Variants in SLC20A2 observed in about 807,000 individuals in gnomAD.
SLC20A2 encodes solute carrier family 20 member 2.
In SLC20A2, 30 loss-of-function variants were observed where a neutral mutation model predicts 61.0. The ratio of observed to expected loss-of-function variants is 0.49; its 90% CI spans 0.37 to 0.67. The LOEUF (loss-of-function observed/expected upper bound fraction) is 0.67. SLC20A2 is among the 30% of genes least tolerant of loss of function. The pLI is 0.00. For synonymous variants in SLC20A2, 351 were observed against 353.3 expected (o/e 0.99, Z 0.07); for missense variants, 626 against 866.4 (o/e 0.72, Z 3.48).
chr8:42,539,131 GA>G (rs1812893225), intron 1 of SLC20A2, among the ~76,000 whole-genome samples: 1 of 152,090 alleles, frequency 6.6e-6, no homozygotes, highest in African/African-American at 2.4e-5. Flanking sequence ...TTTAAGTAAA[GA>G]AACCCTCTTG....
intron 3 of SLC20A2, chr8:42,463,431 T>C (rs1806866198): frequency 5.8e-6 from 1 of 171,644 alleles, no homozygotes; most frequent in Non-Finnish European, 1.2e-5. Flanking sequence ...TCAACACATA[T>C]GGAGACTCTG....
At chr8:42,452,066 G>A (rs1295577271) in intron 5 of SLC20A2, among the ~76,000 whole-genome samples, 1 of 133,240 alleles carries the variant, frequency 7.5e-6, no homozygotes, top group Non-Finnish European at 1.5e-5. Flanking sequence ...ATGAAGAGGA[G>A]GGGGAGGAAG....
intron 5 of SLC20A2, among the ~76,000 whole-genome samples, chr8:42,453,207 A>G (rs1277409487): frequency 1.3e-5 from 2 of 152,222 alleles, no homozygotes; most frequent in African/African-American, 4.8e-5. Flanking sequence ...ACTGAACAAA[A>G]ACCAGGCCCC....
intron 5 of SLC20A2, among the ~76,000 whole-genome samples, chr8:42,454,868 C>A (rs1278394463): frequency 6.6e-6 from 1 of 151,926 alleles, no homozygotes; most frequent in Non-Finnish European, 1.5e-5. Context: ...CCATGACCAG[C>A]CCAGATTTTT....
intron 1 of SLC20A2, among the ~76,000 whole-genome samples, chr8:42,517,399 A>T: frequency 6.6e-6 from 1 of 151,850 alleles, no homozygotes; most frequent in East Asian, 1.9e-4. Flanking sequence ...AAAATAAATA[A>T]ATAAGTAATA....
intron 4 of SLC20A2, among the ~76,000 whole-genome samples, chr8:42,460,645 T>C (rs1806624336): frequency 6.6e-6 from 1 of 152,254 alleles, no homozygotes; most frequent in Non-Finnish European, 1.5e-5. Flanking sequence ...ATTTATTAAC[T>C]ACTTTAGGCT....
At chr8:42,511,008 T>C (rs746278843) in intron 1 of SLC20A2, among the ~76,000 whole-genome samples, 2 of 152,152 alleles carry the variant, frequency 1.3e-5, no homozygotes, top group Non-Finnish European at 2.9e-5. Flanking sequence ...GTTCTGGGGC[T>C]CTGGGGCTTT....
At chr8:42,477,986 A>C (rs887938352) in intron 1 of SLC20A2, among the ~76,000 whole-genome samples, 14 of 151,802 alleles carry the variant, frequency 9.2e-5, no homozygotes, top group South Asian at 6.3e-4. Flanking sequence ...CCTGGGTTCA[A>C]GCCATTCTCC....
intron 5 of SLC20A2, among the ~76,000 whole-genome samples, chr8:42,451,806 A>G (rs1220486364): frequency 7.6e-6 from 1 of 131,236 alleles, no homozygotes; most frequent in East Asian, 2.7e-4. Context: ...GGAGGAAGAG[A>G]TGGAGGAGGA....
intron 1 of SLC20A2, among the ~76,000 whole-genome samples, chr8:42,486,674 TCTTA>T (rs1032422311): frequency 6.6e-6 from 1 of 152,208 alleles, no homozygotes; most frequent in African/African-American, 2.4e-5. Flanking sequence ...CAGCTGTCCA[TCTTA>T]CTTGAGTTCC....
At chr8:42,509,951 A>G (rs1033984637) in intron 1 of SLC20A2, among the ~76,000 whole-genome samples, 6 of 152,230 alleles carry the variant, frequency 3.9e-5, no homozygotes, top group Non-Finnish European at 7.3e-5. Context: ...AAGCTAATCT[A>G]AAATGAGAAA....
At chr8:42,428,696 T>C in intron 10 of SLC20A2, 62 bp downstream of exon 10, 1 of 1,457,734 alleles carries the variant, frequency 6.9e-7, no homozygotes, top group Non-Finnish European at 9.4e-7. Context: ...TTGCATGCGC[T>C]CCGGTGGCCC....
At chr8:42,432,083 G>C (rs899847274) in intron 8 of SLC20A2, among the ~76,000 whole-genome samples, 2 of 152,212 alleles carry the variant, frequency 1.3e-5, no homozygotes, top group Non-Finnish European at 2.9e-5. Flanking sequence ...TGTAGGGCTA[G>C]AGCTGCCATA....
chr8:42,435,881 C>T (rs374105281), intron 8 of SLC20A2, among the ~76,000 whole-genome samples: 2 of 152,096 alleles, frequency 1.3e-5, no homozygotes, highest in African/African-American at 4.8e-5. Context: ...CTTTGGGAGG[C>T]TGAGGTGGGC....
intron 1 of SLC20A2, among the ~76,000 whole-genome samples, chr8:42,480,853 G>C (rs991707663): frequency 1.3e-5 from 2 of 152,076 alleles, no homozygotes; most frequent in African/African-American, 4.8e-5. Flanking sequence ...GTAGAGACAA[G>C]TCTCACTATG....
chr8:42,508,088 C>T (rs1408424965), intron 1 of SLC20A2, among the ~76,000 whole-genome samples: 5 of 152,074 alleles, frequency 3.3e-5, no homozygotes, highest in Non-Finnish European at 5.9e-5. Flanking sequence ...TGCTTGAACC[C>T]AGGAGGTAGA....
chr8:42,508,580 G>A (rs1160676678), intron 1 of SLC20A2, among the ~76,000 whole-genome samples: 4 of 151,996 alleles, frequency 2.6e-5, no homozygotes, highest in Non-Finnish European at 5.9e-5. Flanking sequence ...TAGTAGAGAT[G>A]GGGTTTCACC....
chr8:42,480,882 A>G (rs984897389), intron 1 of SLC20A2, among the ~76,000 whole-genome samples: 4 of 152,096 alleles, frequency 2.6e-5, no homozygotes, highest in Non-Finnish European at 5.9e-5. Flanking sequence ...GCTGGTCTCA[A>G]ACTCCTGGAC....
At chr8:42,488,042 G>A (rs1304500127) in intron 1 of SLC20A2, among the ~76,000 whole-genome samples, 3 of 152,238 alleles carry the variant, frequency 2.0e-5, no homozygotes, top group South Asian at 2.1e-4. Context: ...GTTCATCCAC[G>A]TTGCAGCATG....
Sources: gnomAD v4.1 joint callset for allele counts (sites outside exome capture counted in the v4.1 genomes callset) on GRCh38, gnomAD v4.1.1 for gene constraint, MANE v1.5 for transcripts, NCBI Gene and HGNC (gene_info 2026-07-23, HGNC 2026-07-21) for gene names.